Variants in ZNF740 observed in about 807,000 individuals in gnomAD.
ZNF740 encodes the protein zinc finger protein 740.
In ZNF740, 14 loss-of-function variants were observed where a neutral mutation model predicts 24.8. The ratio of observed to expected loss-of-function variants is 0.56; its 90% CI spans 0.37 to 0.88. The LOEUF (loss-of-function observed/expected upper bound fraction) is 0.88, where lower values mean the gene tolerates loss of function less well. Among genes scored for constraint, ZNF740 ranks in the 40% least tolerant of loss-of-function variants. The pLI, the probability that ZNF740 is intolerant of heterozygous loss-of-function variation, is 0.00. For missense variants in ZNF740, 201 were observed against 247.9 expected (o/e 0.81, Z 1.27); for synonymous variants, 69 against 84.0 (o/e 0.82, Z 0.98).
In ZNF740 at chr12:53,193,072, A is replaced by T; in HGVS notation, c.*5482A>T. ...TGATATTTGCCTTCCATGCCAGGAG[A>T]TTCCCAGAGCCTAAGTGCCTTGGGA... is the stretch of plus-strand genomic sequence containing the variant. On this transcript the variant is annotated 3_prime_UTR_variant, in exon 7 of 7. Coordinates refer to ENST00000416904, the MANE Select transcript of ZNF740 (RefSeq NM_001004304.4). 6.9e-7 allele frequency: 1 copy of T among 1,458,224 alleles called. No individual in the cohort carries two copies. 90.3% of individuals were successfully genotyped at this position (1,458,224 alleles called of 1,614,324 possible).
rs1482852108 is a variant in ZNF740 at position 53,192,555 on chromosome 12, A to G, written c.*4965A>G. ...GCACAGTCCCTGTGTAGTAGATGCCAATAGGTTACCAGCTGGGCAGTTGTC... is the reference window on the plus strand; with the variant it reads ...GCACAGTCCCTGTGTAGTAGATGCCGATAGGTTACCAGCTGGGCAGTTGTC... On this transcript the variant is annotated 3_prime_UTR_variant, in exon 7 of 7. Transcript: ENST00000416904. 3 of 1,612,572 alleles carry G rather than the reference A, an allele frequency of 1.9e-6. No homozygotes were observed. Among genetic ancestry groups the G allele is most frequent in the Non-Finnish European group, 2.5e-6 (3 of 1,178,972 alleles).
Position 53,181,872 on chromosome 12 carries a change from C to A in ZNF740, c.-112C>A. The A allele has an allele frequency of 7.2e-7, 1 of 1,381,622 alleles. No homozygotes were observed. The highest frequency in any genetic ancestry group is 1.0e-6 in the Non-Finnish European group (1 of 996,634). The allele number at this position is 1,381,622 out of a possible 1,614,324, so 85.6% of individuals were successfully genotyped here. A position where few individuals can be genotyped will look rare whatever the true frequency, so the allele number is the denominator to read the frequency against. ...ATATGGCAACAGGACTGATGGGACACGAAGGAGTCGCTACCGTGATTTGGT... is the reference window on the plus strand; with the variant it reads ...ATATGGCAACAGGACTGATGGGACAAGAAGGAGTCGCTACCGTGATTTGGT... On this transcript the variant is annotated 5_prime_UTR_variant, in exon 2 of 7. Transcript: ENST00000416904.
At position 53,181,667 on chromosome 12, in the gene ZNF740, C is replaced by T. The variant is rs900960828; in HGVS notation, c.-307-10C>T. The T allele has an allele frequency of 7.0e-6, 3 of 428,924 alleles. No individual in the cohort carries two copies. Among genetic ancestry groups the T allele is most frequent in the Non-Finnish European group, 7.4e-6 (2 of 271,672 alleles). 26.6% of individuals were successfully genotyped at this position (428,924 alleles called of 1,614,324 possible). ...CATTTAGCAGCCCCCCTCTTCCTTT[C>T]TGGTTTCAGGTTTCTGAAACAGATC... is the stretch of plus-strand genomic sequence containing the variant. On this transcript the variant is annotated splice_polypyrimidine_tract_variant and intron_variant, in intron 1 of 6. Transcript: ENST00000416904.
Position 53,186,169 on chromosome 12 carries a change from G to T in ZNF740, c.373+92G>T, listed in dbSNP as rs1399280473. On this transcript the variant is annotated intron_variant, in intron 5 of 6. Coordinates refer to ENST00000416904, the MANE Select transcript of ZNF740 (RefSeq NM_001004304.4). ...GGCTCTAGTTGGGTTTATTTTAATG[G>T]GTAAGTATTAGAAATGAAGGAAGAA... 8 of 1,468,020 alleles carry T rather than the reference G, an allele frequency of 5.4e-6. 1 individual carries two copies. The South Asian group carries it at 9.0e-5, about 17-fold the overall frequency. The allele number at this position is 1,468,020 out of a possible 1,614,324, so 90.9% of individuals were successfully genotyped here.
At chr12:53,181,259 G>A (rs976986067) in intron 1 of ZNF740, 1 of 985,316 alleles carries the variant, frequency 1.0e-6, no homozygotes, top group Non-Finnish European at 1.2e-6. Context: ...ACACGTGTGG[G>A]CACTGCCAGT....
chr12:53,192,608 C>A lies in ZNF740; in HGVS notation c.*5018C>A. The A allele has an allele frequency of 6.3e-7, 1 of 1,598,886 alleles. No homozygotes were observed. The highest frequency in any genetic ancestry group is 1.1e-5 in the South Asian group (1 of 90,704). The stretch of plus-strand genomic sequence containing the variant: ...CCAATGCCCCTTGCCCAACTACAAG[C>A]AGGACGGAGAGTAGGCAGATGGGAG... On this transcript the variant is annotated 3_prime_UTR_variant, in exon 7 of 7. Transcript: ENST00000416904.
Position 53,191,356 on chromosome 12 carries a change from GGTAGCCCA to G in ZNF740, c.*3768_*3775del, listed in dbSNP as rs578170105. The G allele has an allele frequency of 1.5e-4, 87 of 599,510 alleles. 1 individual carries two copies. The South Asian group carries it at 1.6e-3, about 11-fold the overall frequency. 37.1% of individuals were successfully genotyped at this position (599,510 alleles called of 1,614,324 possible). The stretch of plus-strand genomic sequence containing the variant: ...AAGACTTTATTGTATACTTGGGTGG[GGTAGCCCA>G]GATGGATGCAAGGTTGCAGGCATGG... On this transcript the variant is annotated 3_prime_UTR_variant, in exon 7 of 7. Coordinates refer to ENST00000416904, the MANE Select transcript of ZNF740 (RefSeq NM_001004304.4).
chr12:53,182,592 A>T (rs1941696131), intron 2 of ZNF740, among the ~76,000 whole-genome samples: 1 of 152,204 alleles, frequency 6.6e-6, no homozygotes, highest in South Asian at 2.1e-4. Flanking sequence ...AAGAAGATGG[A>T]GGTTGAAAGA....
Position 53,194,447 on chromosome 12 carries a change from C to A in ZNF740, c.*6857C>A. The A allele has an allele frequency of 8.5e-7, 1 of 1,170,428 alleles. No individual in the cohort carries two copies. Among genetic ancestry groups the A allele is most frequent in the South Asian group, 1.4e-5 (1 of 69,994 alleles). 72.5% of individuals were successfully genotyped at this position (1,170,428 alleles called of 1,614,324 possible). ...TTCCCAATTCTGCCAGCACCCTGCC[C>A]TCTGCCACCTGGGGCTCCTTCCATT... On this transcript the variant is annotated 3_prime_UTR_variant, in exon 7 of 7. Transcript: ENST00000416904.
chr12:53,185,175 A>G, intron 3 of ZNF740, 135 bp downstream of exon 3: 1 of 1,398,740 alleles, frequency 7.1e-7, no homozygotes. Flanking sequence ...GGAATGGATG[A>G]ACATTGGTAT....
chr12:53,185,644 T>A (rs566400238), intron 4 of ZNF740, among the ~76,000 whole-genome samples, 168 bp downstream of exon 4: 1 of 152,306 alleles, frequency 6.6e-6, no homozygotes, highest in African/African-American at 2.4e-5. Flanking sequence ...GTAGTTGATC[T>A]CCTGCCTTGC....
Position 53,194,370 on chromosome 12 carries a change from C to A in ZNF740, c.*6780C>A, listed in dbSNP as rs1487654140. The A allele has an allele frequency of 3.1e-6, 5 of 1,612,426 alleles. No individual in the cohort carries two copies. The South Asian group carries it at 5.5e-5, about 18-fold the overall frequency. On this transcript the variant is annotated 3_prime_UTR_variant, in exon 7 of 7. Transcript: ENST00000416904. ...CTATGGGAAGAGAGCGAGTGGATAA[C>A]CACGTGAAGGCAGAAAAGGACTCCA...
chr12:53,185,157 C>T, intron 3 of ZNF740, 117 bp downstream of exon 3: 10 of 1,481,342 alleles, frequency 6.8e-6, no homozygotes, highest in Non-Finnish European at 9.2e-6. Flanking sequence ...GCAAGGGGAT[C>T]CAACTGGGGA....
Position 53,190,990 on chromosome 12 carries a change from G to A in ZNF740, c.*3400G>A, listed in dbSNP as rs1941923836. The A allele has an allele frequency of 6.3e-6, 1 of 159,314 alleles. No individual in the cohort carries two copies. Among genetic ancestry groups the A allele is most frequent in the East Asian group, 1.8e-4 (1 of 5,630 alleles). 9.9% of individuals were successfully genotyped at this position (159,314 alleles called of 1,614,324 possible). On this transcript the variant is annotated 3_prime_UTR_variant, in exon 7 of 7. Transcript: ENST00000416904. ...CATTTTAAAACCCCTTCTCCACAGA[G>A]GAACAAGCAAGTAGGAGCAAAAACA...
In ZNF740 at chr12:53,192,255, T is replaced by C. The variant is rs1592394990; in HGVS notation, c.*4665T>C. On this transcript the variant is annotated 3_prime_UTR_variant, in exon 7 of 7. Coordinates refer to ENST00000416904, the MANE Select transcript of ZNF740 (RefSeq NM_001004304.4). ...TCAGCCCCCAGCCTGTTTCCCATTA[T>C]CTTCACTCTGCATCCCCAGAGTTGA... The C allele has an allele frequency of 2.7e-6, 4 of 1,482,250 alleles. No individual in the cohort carries two copies. The East Asian group carries it at 9.0e-5, about 33-fold the overall frequency. The allele number at this position is 1,482,250 out of a possible 1,614,324, so 91.8% of individuals were successfully genotyped here. A position where few individuals can be genotyped will look rare whatever the true frequency, so the allele number is the denominator to read the frequency against.
Position 53,190,798 on chromosome 12 carries a change from G to A in ZNF740, c.*3208G>A, listed in dbSNP as rs925967927. 6.6e-5 allele frequency: 10 copies of A among 151,650 alleles called. No individual in the cohort carries two copies. Among genetic ancestry groups the A allele is most frequent in the Non-Finnish European group, 1.5e-4 (10 of 67,980 alleles). 9.4% of individuals were successfully genotyped at this position (151,650 alleles called of 1,614,324 possible). ...AAACTTGTATCTTTTTACCATTAAAGTGCAGTGTATGTTCCTTCGTGATAT... is the reference window on the plus strand; with the variant it reads ...AAACTTGTATCTTTTTACCATTAAAATGCAGTGTATGTTCCTTCGTGATAT... On this transcript the variant is annotated 3_prime_UTR_variant, in exon 7 of 7. Coordinates refer to ENST00000416904, the MANE Select transcript of ZNF740 (RefSeq NM_001004304.4).
Position 53,187,679 on chromosome 12 carries a change from T to TGTGAACCTGTCCCACTCCTGGAGGA in ZNF740, c.*93_*117dup. On this transcript the variant is annotated 3_prime_UTR_variant, in exon 7 of 7. Transcript: ENST00000416904. ...GTCTGATGGTCCCACCACCGCCCCA[T>TGTGAACCTGTCCCACTCCTGGAGGA]GTGAACCTGTCCCACTCCTGGAGGA... is the stretch of plus-strand genomic sequence containing the variant. 1 of 1,055,512 alleles carries TGTGAACCTGTCCCACTCCTGGAGGA rather than the reference T, an allele frequency of 9.5e-7. No individual in the cohort carries two copies. Among genetic ancestry groups the TGTGAACCTGTCCCACTCCTGGAGGA allele is most frequent in the Non-Finnish European group, 1.4e-6 (1 of 692,670 alleles). The allele number at this position is 1,055,512 out of a possible 1,614,324, so 65.4% of individuals were successfully genotyped here. A position where few individuals can be genotyped will look rare whatever the true frequency, so the allele number is the denominator to read the frequency against.
Position 53,187,652 on chromosome 12 carries a change from TGGTCTGATG to T in ZNF740, c.*64_*72del. 7.5e-7 allele frequency: 1 copy of T among 1,336,686 alleles called. No homozygotes were observed. The highest frequency in any genetic ancestry group is 1.8e-5 in the Admixed American group (1 of 54,576). The allele number at this position is 1,336,686 out of a possible 1,614,324, so 82.8% of individuals were successfully genotyped here. A position where few individuals can be genotyped will look rare whatever the true frequency, so the allele number is the denominator to read the frequency against. ...AACCTGCCGAAGAGCACACCCCCTC[TGGTCTGATG>T]GTCCCACCACCGCCCCATGTGAACC... is the stretch of plus-strand genomic sequence containing the variant. On this transcript the variant is annotated 3_prime_UTR_variant, in exon 7 of 7. Coordinates refer to ENST00000416904, the MANE Select transcript of ZNF740 (RefSeq NM_001004304.4).
At chr12:53,182,072 C>T (rs1024982170) in intron 2 of ZNF740, 80 bp downstream of exon 2, 2 of 1,550,808 alleles carry the variant, frequency 1.3e-6, no homozygotes, top group Admixed American at 1.9e-5. Flanking sequence ...CCTTAGTCAA[C>T]ATATTGACCA....
Sources: gnomAD v4.1 joint callset for allele counts (sites outside exome capture counted in the v4.1 genomes callset) on GRCh38, gnomAD v4.1.1 for gene constraint, MANE v1.5 for transcripts, NCBI Gene and HGNC (gene_info 2026-07-23, HGNC 2026-07-21) for gene names.